CDON: variants seen among roughly 807,000 people sequenced by gnomAD.
CDON encodes cell adhesion associated, oncogene regulated, also known as cell adhesion molecule-related/down-regulated by oncogenes.
CDON carries 73 observed loss-of-function variants against 120.9 expected under a neutral mutation model. The ratio of observed to expected loss-of-function variants is 0.60; its 90% CI spans 0.50 to 0.73. CDON has a LOEUF of 0.73. CDON is among the 30% of genes least tolerant of loss of function. The pLI, the probability that CDON is intolerant of heterozygous loss-of-function variation, is 0.00. For missense variants in CDON, 1,470 were observed against 1,587.3 expected (o/e 0.93, Z 1.26); for synonymous variants, 566 against 573.5 (o/e 0.99, Z 0.19).
At chr11:126,056,063 C>A (rs1948673979) in intron 1 of CDON, among the ~76,000 whole-genome samples, 1 of 152,126 alleles carries the variant, frequency 6.6e-6, no homozygotes, top group Non-Finnish European at 1.5e-5. Context: ...TTTCATGGAA[C>A]CTCAGTCCTA....
At chr11:125,998,144 TA>T (rs1332125184) in intron 11 of CDON, among the ~76,000 whole-genome samples, 1 of 152,142 alleles carries the variant, frequency 6.6e-6, no homozygotes, top group East Asian at 1.9e-4. Flanking sequence ...ACACACCAGG[TA>T]GATGGTCTAG....
intron 1 of CDON, among the ~76,000 whole-genome samples, chr11:126,041,846 T>C (rs1338888099): frequency 6.6e-6 from 1 of 152,210 alleles, no homozygotes; most frequent in African/African-American, 2.4e-5. Context: ...CCAGCTTGCA[T>C]GTGAGTTGTT....
chr11:126,005,732 G>A (rs1175756868), intron 9 of CDON, 27 bp downstream of exon 9: 1 of 1,606,986 alleles, frequency 6.2e-7, no homozygotes, highest in South Asian at 1.1e-5. Flanking sequence ...TGTGAGCCGA[G>A]AAAGATGATA....
chr11:125,986,380 T>C (rs1235814199), intron 15 of CDON, among the ~76,000 whole-genome samples: 4 of 152,252 alleles, frequency 2.6e-5, no homozygotes, highest in South Asian at 4.1e-4. Context: ...TGTATATGTA[T>C]GTAACAAACC....
At chr11:125,996,161 A>AAC (rs35536827) in intron 12 of CDON, among the ~76,000 whole-genome samples, 1,583 of 146,008 alleles carry the variant, frequency 0.011, 11 homozygotes, top group Middle Eastern at 0.014. Flanking sequence ...GTCACAGCAA[A>AAC]ACACACACAC....
intron 18 of CDON, among the ~76,000 whole-genome samples, chr11:125,962,409 C>T: frequency 6.6e-6 from 1 of 152,196 alleles, no homozygotes; most frequent in Non-Finnish European, 1.5e-5. Flanking sequence ...TGTATGGCCA[C>T]ACGAAAGAAA....
chr11:125,964,233 C>T (rs1945728096), intron 18 of CDON, among the ~76,000 whole-genome samples: 1 of 152,194 alleles, frequency 6.6e-6, no homozygotes. Flanking sequence ...GTTCAAACTA[C>T]TACTGCTGAG....
At chr11:125,979,322 T>C (rs1266542403) in intron 17 of CDON, among the ~76,000 whole-genome samples, 1 of 152,216 alleles carries the variant, frequency 6.6e-6, no homozygotes, top group Non-Finnish European at 1.5e-5. Flanking sequence ...TCAGTGTTTC[T>C]GATCCAACCA....
rs1233868740 is a variant in CDON at position 126,021,420 on chromosome 11, G to T, written c.177C>A (p.Ile59=). Residue 59 remains isoleucine (I), a synonymous_variant, in exon 3 of 20, where the codon ATC becomes ATA. Coordinates refer to ENST00000531738, the MANE Select transcript of CDON (RefSeq NM_001378964.1). ...HCSAQPVTTR[I]SWLHNGKTLD... is the part of the protein sequence containing the mutation. ...ATGTTTTTCCGTTATGCAGCCATGA[G>T]ATACGAGTGGTCACAGGTTGAGCAG... 1 of 1,614,008 alleles carries T rather than the reference G, an allele frequency of 6.2e-7. No individual in the cohort carries two copies. The highest frequency in any genetic ancestry group is 8.5e-7 in the Non-Finnish European group (1 of 1,180,006).
chr11:126,030,315 T>C (rs1486211280), intron 1 of CDON, among the ~76,000 whole-genome samples: 1 of 152,250 alleles, frequency 6.6e-6, no homozygotes, highest in Non-Finnish European at 1.5e-5. Flanking sequence ...GAAAAGTCTT[T>C]CCTGAATTTC....
intron 1 of CDON, among the ~76,000 whole-genome samples, chr11:126,061,356 A>G (rs550231919): frequency 6.6e-6 from 1 of 152,326 alleles, no homozygotes; most frequent in African/African-American, 2.4e-5. Context: ...TTAAGCACTA[A>G]TTTAAAATTT....
chr11:126,036,062 TAC>T (rs1038589287), intron 1 of CDON, among the ~76,000 whole-genome samples: 1 of 152,018 alleles, frequency 6.6e-6, no homozygotes, highest in Non-Finnish European at 1.5e-5. Context: ...CACATATAAA[TAC>T]ACACATATGT....
At chr11:125,981,015 C>G (rs780074772) in intron 17 of CDON, 34 bp downstream of exon 17, 1 of 1,611,956 alleles carries the variant, frequency 6.2e-7, no homozygotes, top group Non-Finnish European at 8.5e-7. Flanking sequence ...CCCTGAGGGA[C>G]AGAGGGGCTT....
intron 1 of CDON, among the ~76,000 whole-genome samples, chr11:126,061,903 A>AT (rs953802211): frequency 3.3e-5 from 5 of 152,204 alleles, no homozygotes; most frequent in African/African-American, 1.2e-4. Context: ...AGGGAGAACA[A>AT]TGAAGGGAAG....
Position 126,017,068 on chromosome 11 carries a change from A to C in CDON, c.928+20T>G. On this transcript the variant is annotated intron_variant, in intron 6 of 19. Coordinates refer to ENST00000531738, the MANE Select transcript of CDON (RefSeq NM_001378964.1). ...AGAAAAATGGCTTCATTTGAAAAAA[A>C]TTAAAAACTAACATCTTACCAAGTA... The C allele has an allele frequency of 6.2e-7, 1 of 1,610,014 alleles. No homozygotes were observed. Among genetic ancestry groups the C allele is most frequent in the Non-Finnish European group, 8.5e-7 (1 of 1,177,264 alleles).
chr11:126,005,341 C>A (rs1220921655), intron 9 of CDON: 2 of 173,678 alleles, frequency 1.2e-5, no homozygotes, highest in Non-Finnish European at 2.3e-5. Flanking sequence ...CAAAAAAAAA[C>A]TTGAAATGCA....
At chr11:126,006,771 A>G (rs1947141965) in intron 8 of CDON, among the ~76,000 whole-genome samples, 1 of 151,600 alleles carries the variant, frequency 6.6e-6, no homozygotes, top group South Asian at 2.1e-4. Flanking sequence ...TATACAGAGG[A>G]AGATAAAAAT....
intron 8 of CDON, 152 bp from the exon 9 acceptor site, chr11:126,006,209 A>G: frequency 1.4e-6 from 1 of 723,734 alleles, no homozygotes; most frequent in Admixed American, 2.1e-5. Context: ...TAATTCATGG[A>G]AATGTTTAAC....
intron 1 of CDON, among the ~76,000 whole-genome samples, chr11:126,049,450 C>A (rs1156705949): frequency 2.0e-5 from 3 of 152,196 alleles, no homozygotes; most frequent in African/African-American, 7.2e-5. Flanking sequence ...CTGCACTCCA[C>A]TGCTATTACA....
Sources: gnomAD v4.1 joint callset for allele counts (sites outside exome capture counted in the v4.1 genomes callset) on GRCh38, gnomAD v4.1.1 for gene constraint, MANE v1.5 for transcripts, NCBI Gene and HGNC (gene_info 2026-07-23, HGNC 2026-07-21) for gene names.